Variants in RC3H2 observed in about 807,000 individuals in gnomAD.
RC3H2 encodes the protein ring finger and CCCH-type domains 2, also known as roquin-2.
Under a neutral mutation model 133.3 loss-of-function variants are expected in RC3H2, and 31 were observed. The ratio of observed to expected loss-of-function variants is 0.23; its 90% confidence interval spans 0.17 to 0.31. The LOEUF (loss-of-function observed/expected upper bound fraction) is 0.31, where lower values mean the gene tolerates loss of function less well. Among genes scored for constraint, RC3H2 ranks in the 10% least tolerant of loss-of-function variants. RC3H2 has a pLI of 1.00. For missense variants in RC3H2, 1,175 were observed against 1,437.2 expected (o/e 0.82, Z 2.95); for synonymous variants, 517 against 502.2 (o/e 1.03, Z -0.40).
In RC3H2 at chr9:122,905,314, C is replaced by T; in HGVS notation, c.-272G>A. On this transcript the variant is annotated 5_prime_UTR_variant, in exon 1 of 21. Transcript: ENST00000357244. ...CTCCTCCTCCTCCCTCCACCTCCGC[C>T]TCCTCCTCCTCCTCCTCCTCACCAC... 1 of 879,926 alleles carries T rather than the reference C, an allele frequency of 1.1e-6. No homozygotes were observed. Among genetic ancestry groups the T allele is most frequent in the Non-Finnish European group, 1.4e-6 (1 of 734,020 alleles). The allele number at this position is 879,926 out of a possible 1,614,324, so 54.5% of individuals were successfully genotyped here.
Position 122,855,706 on chromosome 9 carries a change from C to T in RC3H2, c.2601+26G>A, listed in dbSNP as rs2131387735. 3 of 1,597,786 alleles carry T rather than the reference C, an allele frequency of 1.9e-6. 1 individual carries two copies. Among genetic ancestry groups the T allele is most frequent in the South Asian group, 2.3e-5 (2 of 88,622 alleles). On this transcript the variant is annotated intron_variant, in intron 14 of 20. Transcript: ENST00000357244. ...AACATGCATCATCTCTCACCTCCAA[C>T]CCCTGCAACCCCAGCAAAATCATAC...
chr9:122,866,405 C>G (rs1010458699), intron 9 of RC3H2, among the ~76,000 whole-genome samples: 2 of 131,874 alleles, frequency 1.5e-5, no homozygotes, highest in Non-Finnish European at 3.2e-5. Context: ...GTCTCCCTCT[C>G]CCCACGGTCT....
At position 122,860,081 on chromosome 9, in the gene RC3H2, G is replaced by A. The variant is rs1369772175; in HGVS notation, c.1685C>T (p.Ser562Leu). 6.2e-7 allele frequency: 1 copy of A among 1,614,016 alleles called. No homozygotes were observed. The highest frequency in any genetic ancestry group is 8.5e-7 in the Non-Finnish European group (1 of 1,180,024). ...TGTTCCAACATTAGAGGGCCCAGCT[G>A]AGGTAGCTGCTACATTACTTACAGG... ...KTPVSNVAAT[S>L]AGPSNVGTEL... The change falls in exon 11 of 21, where the codon TCA becomes TTA. Residue 562 changes from serine (S) to leucine (L), a missense_variant. Ser to Leu is a moderately radical substitution (Grantham distance 145, BLOSUM62 -2). Around this residue, in one of 8 missense-constraint regions of RC3H2, gnomAD observed 490 missense variants for 492.8 expected, o/e 0.99. Coordinates refer to ENST00000357244, the MANE Select transcript of RC3H2 (RefSeq NM_001100588.3).
Position 122,853,984 on chromosome 9 carries a change from A to G in RC3H2, c.3085T>C (p.Leu1029=), listed in dbSNP as rs1319530445. 6.2e-7 allele frequency: 1 copy of G among 1,614,234 alleles called. No individual in the cohort carries two copies. The change falls in exon 18 of 21, where the codon TTA becomes CTA. Residue 1029 remains leucine (L), a synonymous_variant. Coordinates refer to ENST00000357244, the MANE Select transcript of RC3H2 (RefSeq NM_001100588.3). Reference sequence around the variant, plus strand: ...TTTCTTAGTTCAATTTCCTTGCTTAAAAGGTTTAAGGTAAGGTGACGGCCT... The same window carrying G: ...TTTCTTAGTTCAATTTCCTTGCTTAGAAGGTTTAAGGTAAGGTGACGGCCT... ...DEGRHLTLNL[L]SKEIELRNGE...
rs539566741 is a variant in RC3H2, at chr9:122,868,557, A to G, written c.1326-2900T>C. The stretch of plus-strand genomic sequence containing the variant: ...GCTTGAAGGCAGCATGCTCGTTAAG[A>G]GTCATCACCACTCCCTAATCTCAAG... On this transcript the variant is annotated intron_variant, in intron 9 of 20. Transcript: ENST00000357244. 9.2e-3 allele frequency among the ~76,000 whole-genome samples: 1,394 copies of G among 151,912 alleles called. 24 individuals carry two copies. The highest frequency in any genetic ancestry group is 0.032 in the African/African-American group (1,330 of 41,404).
At chr9:122,859,823 A>C in intron 11 of RC3H2, 94 bp downstream of exon 11, 4 of 1,078,314 alleles carry the variant, frequency 3.7e-6, no homozygotes, top group Non-Finnish European at 4.1e-6. Flanking sequence ...AAAAGGATTA[A>C]TTTTTTTAAA....
intron 9 of RC3H2, chr9:122,875,086 G>C: frequency 1.5e-6 from 2 of 1,321,318 alleles, no homozygotes; most frequent in Non-Finnish European, 2.0e-6. Context: ...GTATTTCCTG[G>C]AGTCTCCCAA....
chr9:122,875,468 T>C (rs1309784269), intron 9 of RC3H2: 11 of 1,407,714 alleles, frequency 7.8e-6, no homozygotes, highest in Non-Finnish European at 1.0e-5. Context: ...AATTTATGCA[T>C]TGTCTGTGGC....
chr9:122,851,259 A>G, intron 19 of RC3H2, 30 bp from the exon 20 acceptor site: 2 of 1,612,402 alleles, frequency 1.2e-6, no homozygotes, highest in South Asian at 1.1e-5. Context: ...ATCCTTCAGT[A>G]TGAAAGTATT....
In RC3H2 at chr9:122,858,714, A is replaced by G; in HGVS notation, c.2238T>C (p.Ala746=). The G allele has an allele frequency of 1.2e-6, 2 of 1,613,304 alleles. No individual in the cohort carries two copies. The highest frequency in any genetic ancestry group is 8.5e-7 in the Non-Finnish European group (1 of 1,179,806). ...TCCTTGGCTCACTTGGTGGCTGACA[A>G]GCCACCGAATAATATCCATCTAATG... ...YNSLDGYYSV[A]CQPPSEPRTT... The change falls in exon 12 of 21, where the codon GCT becomes GCC. Residue 746 remains alanine, a synonymous_variant. Transcript: ENST00000357244.
intron 9 of RC3H2, among the ~76,000 whole-genome samples, chr9:122,866,483 T>G (rs1283062833): frequency 6.8e-6 from 1 of 146,322 alleles, no homozygotes; most frequent in Non-Finnish European, 1.6e-5. Context: ...TGCTGCCATC[T>G]CGGCTCACTG....
chr9:122,850,272 G>A (rs556343202), intron 20 of RC3H2, among the ~76,000 whole-genome samples: 2 of 151,962 alleles, frequency 1.3e-5, no homozygotes, highest in East Asian at 3.9e-4. Context: ...ACCACTCCTG[G>A]CTTGAAAAGT....
intron 3 of RC3H2, among the ~76,000 whole-genome samples, chr9:122,891,178 C>A (rs2131488623): frequency 6.6e-6 from 1 of 150,964 alleles, no homozygotes; most frequent in South Asian, 2.1e-4. Context: ...TGTCACCACA[C>A]CTGGCTAATT....
chr9:122,887,557 G>A (rs1264441641), intron 4 of RC3H2, among the ~76,000 whole-genome samples: 1 of 151,936 alleles, frequency 6.6e-6, no homozygotes, highest in Admixed American at 6.6e-5. Flanking sequence ...CTTTTAGTGG[G>A]AAATGGTATA....
intron 4 of RC3H2, among the ~76,000 whole-genome samples, chr9:122,884,293 TAAA>T (rs899751694): frequency 6.7e-6 from 1 of 148,952 alleles, no homozygotes; most frequent in African/African-American, 2.5e-5. Context: ...ACTCCGTCTC[TAAA>T]AAAAAAATTA....
intron 18 of RC3H2, chr9:122,853,747 A>C (rs1306526842): frequency 3.6e-5 from 50 of 1,378,672 alleles, no homozygotes; most frequent in Non-Finnish European, 4.8e-5. Flanking sequence ...ATTCCATCTC[A>C]AAAAAACAAA....
rs1266417888 is a variant in RC3H2, at chr9:122,905,357, G to GA, written c.-316dup. On this transcript the variant is annotated 5_prime_UTR_variant, in exon 1 of 21. Transcript: ENST00000357244. ...CTCACCACGGAGGCGGACCTGGAGG[G>GA]ATCCCGATCTAGCTCTCGCGAGAAG... 2 of 916,596 alleles carry GA rather than the reference G, an allele frequency of 2.2e-6. No homozygotes were observed. The highest frequency in any genetic ancestry group is 2.6e-6 in the Non-Finnish European group (2 of 767,038). The allele number at this position is 916,596 out of a possible 1,614,324, so 56.8% of individuals were successfully genotyped here. A position where few individuals can be genotyped will look rare whatever the true frequency, so the allele number is the denominator to read the frequency against.
At chr9:122,875,179 C>T in intron 9 of RC3H2, 1 of 1,550,174 alleles carries the variant, frequency 6.5e-7, no homozygotes, top group Non-Finnish European at 8.7e-7. Context: ...CTCCTTAATC[C>T]TCTTCTCTAG....
At chr9:122,896,854 C>T (rs1315635089) in intron 2 of RC3H2, among the ~76,000 whole-genome samples, 1 of 151,686 alleles carries the variant, frequency 6.6e-6, no homozygotes, top group Non-Finnish European at 1.5e-5. Flanking sequence ...GAAACCCCGT[C>T]TCTACTAAAA....
Sources: gnomAD v4.1 joint callset for allele counts (sites outside exome capture counted in the v4.1 genomes callset) on GRCh38, gnomAD v4.1.1 for gene constraint, gnomAD v4.1.1 regional missense constraint, MANE v1.5 for transcripts, NCBI Gene and HGNC (gene_info 2026-07-23, HGNC 2026-07-21) for gene names.